The following DHX29 variants were observed in gnomAD, a reference collection of about 807,000 sequenced individuals.
DHX29 encodes the protein DExH-box helicase 29.
DHX29 carries 79 observed loss-of-function variants against 167.9 expected under a neutral mutation model. The observed-to-expected ratio is 0.47, with a 90% CI of 0.39 to 0.57. The LOEUF (loss-of-function observed/expected upper bound fraction) is 0.57, where lower values mean the gene tolerates loss of function less well. Among genes scored for constraint, DHX29 ranks in the 20% least tolerant of loss-of-function variants. The pLI, the probability that DHX29 is intolerant of heterozygous loss-of-function variation, is 0.00. For synonymous variants in DHX29, 530 were observed against 546.0 expected, an observed-to-expected ratio of 0.97 and a Z score of 0.41; for missense variants, 1,347 against 1,593.4, an observed-to-expected ratio of 0.85 and a Z score of 2.63.
In DHX29 at chr5:55,285,280, T is replaced by A. The variant is rs1747660118; in HGVS notation, c.1356+13A>T. On this transcript the variant is annotated intron_variant, in intron 10 of 26. Transcript: ENST00000251636. ...TTCCACATACAGATATAGTTAGGCC[T>A]AAAAAGTCTTACCTGCCCTTTAACT... 1.2e-6 allele frequency: 2 copies of A among 1,612,912 alleles called. No homozygotes were observed. Among genetic ancestry groups the A allele is most frequent in the Non-Finnish European group, 1.7e-6 (2 of 1,179,610 alleles).
chr5:55,278,702 G>A (rs552797233), intron 12 of DHX29, among the ~76,000 whole-genome samples: 2 of 152,198 alleles, frequency 1.3e-5, no homozygotes, highest in African/African-American at 4.8e-5. Flanking sequence ...GAGGACTGAG[G>A]AATGAGTATG....
intron 1 of DHX29, among the ~76,000 whole-genome samples, chr5:55,303,494 G>A (rs1374320815): frequency 6.6e-6 from 1 of 152,192 alleles, no homozygotes; most frequent in Non-Finnish European, 1.5e-5. Flanking sequence ...AGGCCTGTGA[G>A]GAAGTACACA....
intron 12 of DHX29, among the ~76,000 whole-genome samples, chr5:55,280,038 A>G (rs1337974737): frequency 6.6e-6 from 1 of 152,162 alleles, no homozygotes; most frequent in Non-Finnish European, 1.5e-5. Context: ...ACAAACTAAA[A>G]TCACACAATT....
chr5:55,279,167 A>G (rs1436810052), intron 12 of DHX29, among the ~76,000 whole-genome samples: 2 of 152,266 alleles, frequency 1.3e-5, no homozygotes, highest in Non-Finnish European at 2.9e-5. Context: ...GAATACGGAG[A>G]AAAGTAAATG....
intron 1 of DHX29, among the ~76,000 whole-genome samples, chr5:55,302,547 G>A (rs1410170431): frequency 6.7e-6 from 1 of 148,598 alleles, no homozygotes; most frequent in African/African-American, 2.5e-5. Flanking sequence ...TTGAGCCTGG[G>A]AGGCAGAGAT....
rs1746648290 is a variant in DHX29, at chr5:55,267,703, G to C, written c.3414C>G (p.Ile1138Met). The C allele has an allele frequency of 6.2e-7, 1 of 1,602,126 alleles. No individual in the cohort carries two copies. The highest frequency in any genetic ancestry group is 1.3e-5 in the African/African-American group (1 of 74,486). Reference protein sequence around the residue: ...LAMADSDHLTIYNAYLGWKKA... With the variant: ...LAMADSDHLTMYNAYLGWKKA... ...GTTTTTACCCTAGATATGCATTGTA[G>C]ATCGTCAGGTGGTCTGAATCCGCCA... The change falls in exon 22 of 27, where the codon ATC becomes ATG. Residue 1138 changes from isoleucine to methionine, a missense_variant. Physicochemically the swap from Ile to Met is conservative, Grantham distance 10. This residue lies in a region of DHX29 where 882 missense variants were observed against 1,082.4 expected (regional missense o/e 0.81). Transcript: ENST00000251636.
At chr5:55,290,705 T>C (rs529251995) in intron 6 of DHX29, among the ~76,000 whole-genome samples, 1 of 152,314 alleles carries the variant, frequency 6.6e-6, no homozygotes, top group South Asian at 2.1e-4. Context: ...GAATAAAAAG[T>C]AGAGCTCATT....
At chr5:55,279,429 AT>A (rs1747283470) in intron 12 of DHX29, 2 of 152,186 alleles carry the variant, frequency 1.3e-5, no homozygotes, top group Admixed American at 6.5e-5. Flanking sequence ...TTTAAGTCTG[AT>A]GCTCAGAAAG....
In DHX29 at chr5:55,295,155, C is replaced by G. The variant is rs75565602; in HGVS notation, c.651+224G>C. 1,996 of 458,312 alleles carry G rather than the reference C, an allele frequency of 4.4e-3. 31 individuals are homozygous for G. Among genetic ancestry groups the G allele is most frequent in the African/African-American group, 0.035 (1,765 of 51,122 alleles). The allele number at this position is 458,312 out of a possible 1,614,324, so 28.4% of individuals were successfully genotyped here. On this transcript the variant is annotated intron_variant, in intron 5 of 26. Coordinates refer to ENST00000251636, the MANE Select transcript of DHX29 (RefSeq NM_019030.4). ...CGAAGAAACACCTTGCTGAGCCCAG[C>G]ACAGACTGCAGAATCATGAGAAATA...
chr5:55,307,282 T>C, intron 1 of DHX29, 105 bp downstream of exon 1: 5 of 973,452 alleles, frequency 5.1e-6, no homozygotes, highest in South Asian at 3.3e-5. Flanking sequence ...TGTTGGGAAA[T>C]AGAAATGTTG....
chr5:55,307,475 G>T lies in DHX29; in HGVS notation c.99C>A (p.Ala33=), dbSNP rs752767606. Residue 33 remains alanine (A), a synonymous_variant, in exon 1 of 27, where the codon GCC becomes GCA. Transcript: ENST00000251636. ...SRAKSAEAGI[A]GEAQSKKPVS... ...CTGGCTTCTTGCTTTGGGCCTCCCC[G>T]GCAATTCCAGCCTCGGCAGATTTGG... The T allele has an allele frequency of 6.2e-7, 1 of 1,613,562 alleles. No homozygotes were observed. Among genetic ancestry groups the T allele is most frequent in the Non-Finnish European group, 8.5e-7 (1 of 1,179,950 alleles).
intron 18 of DHX29, among the ~76,000 whole-genome samples, 174 bp downstream of exon 18, chr5:55,271,913 C>T (rs1746870015): frequency 6.6e-6 from 1 of 152,112 alleles, no homozygotes; most frequent in Non-Finnish European, 1.5e-5. Flanking sequence ...GAAATTCTGA[C>T]ATTTACTCTC....
intron 6 of DHX29, 128 bp from the exon 7 acceptor site, chr5:55,290,472 T>C (rs1747986037): frequency 8.6e-7 from 1 of 1,158,906 alleles, no homozygotes; most frequent in African/African-American, 1.6e-5. Context: ...AAATCTACTT[T>C]TAGGAATTTT....
At chr5:55,298,536 G>A (rs1158295202) in intron 2 of DHX29, 55 bp downstream of exon 2, 1 of 1,069,216 alleles carries the variant, frequency 9.4e-7, no homozygotes, top group African/African-American at 1.6e-5. Context: ...CATCTTTTTT[G>A]GGGGAAAAAA....
At chr5:55,263,177 G>C (rs1746392504) in intron 23 of DHX29, among the ~76,000 whole-genome samples, 1 of 151,996 alleles carries the variant, frequency 6.6e-6, no homozygotes, top group African/African-American at 2.4e-5. Context: ...TAAAATTTGA[G>C]AGCCAGAAAA....
At chr5:55,303,945 C>T (rs1251115554) in intron 1 of DHX29, among the ~76,000 whole-genome samples, 1 of 152,046 alleles carries the variant, frequency 6.6e-6, no homozygotes, top group Non-Finnish European at 1.5e-5. Context: ...ATTCTTATTC[C>T]CCTCTTAAAA....
intron 10 of DHX29, 46 bp from the exon 11 acceptor site, chr5:55,283,857 T>C (rs756914294): frequency 8.1e-6 from 12 of 1,487,154 alleles, no homozygotes; most frequent in Middle Eastern, 1.8e-4. Context: ...CTATTCAATA[T>C]GGAAATTCAA....
intron 18 of DHX29, 136 bp from the exon 19 acceptor site, chr5:55,270,842 T>C (rs532185020): frequency 1.6e-6 from 1 of 625,018 alleles, no homozygotes; most frequent in Non-Finnish European, 2.8e-6. Context: ...GTTCTCAAAT[T>C]ATGCTTCATA....
intron 11 of DHX29, among the ~76,000 whole-genome samples, chr5:55,282,515 G>T (rs373114972): frequency 6.6e-6 from 1 of 152,062 alleles, no homozygotes; most frequent in Non-Finnish European, 1.5e-5. Flanking sequence ...TAATGAAGGG[G>T]TACCCAGTTT....
Sources: gnomAD v4.1 joint callset for allele counts (sites outside exome capture counted in the v4.1 genomes callset) on GRCh38, gnomAD v4.1.1 for gene constraint, gnomAD v4.1.1 regional missense constraint, MANE v1.5 for transcripts, NCBI Gene and HGNC (gene_info 2026-07-23, HGNC 2026-07-21) for gene names.